Variants in TRHDE observed in about 807,000 individuals in gnomAD.
TRHDE encodes the protein thyrotropin releasing hormone degrading enzyme.
Under a neutral mutation model 125.7 loss-of-function variants are expected in TRHDE, and 72 were observed. That is an observed-to-expected ratio of 0.57 (90% confidence interval 0.47 to 0.70). TRHDE has a LOEUF of 0.70. TRHDE is among the 30% of genes least tolerant of loss of function. TRHDE has a pLI of 0.00. For missense variants in TRHDE, 1,110 were observed against 1,327.1 expected, an observed-to-expected ratio of 0.84 and a Z score of 2.54; for synonymous variants, 509 against 509.1, an observed-to-expected ratio of 1.00 and a Z score of 0.00.
intron 2 of TRHDE, among the ~76,000 whole-genome samples, chr12:72,372,291 C>T (rs1871637411): frequency 6.6e-6 from 1 of 151,912 alleles, no homozygotes; most frequent in Non-Finnish European, 1.5e-5. Context: ...TAGATATTAG[C>T]CCTTTGTCAG....
chr12:72,624,849 TG>T (rs1430556799), intron 15 of TRHDE, among the ~76,000 whole-genome samples: 1 of 151,860 alleles, frequency 6.6e-6, no homozygotes, highest in Non-Finnish European at 1.5e-5. Flanking sequence ...GCCAAGCATT[TG>T]GTGGAGATAC....
chr12:72,562,870 G>T lies in TRHDE; in HGVS notation c.1872G>T (p.Gly624=). The part of the protein sequence containing the change: ...NTLSEALKRN[G]KYVNIQEVMD... ...TTGTGAAGGCTTTAAAAAGAAATGGGAAATATGTAAATATACAAGAAGTAA... is the reference window on the plus strand; with the variant it reads ...TTGTGAAGGCTTTAAAAAGAAATGGTAAATATGTAAATATACAAGAAGTAA... Residue 624 remains glycine, a synonymous_variant, in exon 9 of 19, where the codon GGG becomes GGT. Coordinates refer to ENST00000261180, the MANE Select transcript of TRHDE (RefSeq NM_013381.3). The T allele has an allele frequency of 6.4e-7, 1 of 1,570,506 alleles. No homozygotes were observed. Among genetic ancestry groups the T allele is most frequent in the Non-Finnish European group, 8.6e-7 (1 of 1,164,044 alleles).
At chr12:72,567,498 T>C (rs1870504667) in intron 9 of TRHDE, among the ~76,000 whole-genome samples, 2 of 151,970 alleles carry the variant, frequency 1.3e-5, no homozygotes, top group Admixed American at 1.3e-4. Flanking sequence ...AATAAAATAG[T>C]CAAATTTCAC....
intron 12 of TRHDE, chr12:72,582,410 A>G: frequency 1.0e-6 from 1 of 985,424 alleles, no homozygotes; most frequent in Non-Finnish European, 1.2e-6. Context: ...AACATTTGCA[A>G]ACTGTGGAAG....
At chr12:72,487,278 G>A (rs1413424798) in intron 5 of TRHDE, among the ~76,000 whole-genome samples, 1 of 152,124 alleles carries the variant, frequency 6.6e-6, no homozygotes. Context: ...GATATTGTCA[G>A]TAGTCCCCAA....
At chr12:72,516,121 A>G (rs944644883) in intron 6 of TRHDE, among the ~76,000 whole-genome samples, 1 of 151,622 alleles carries the variant, frequency 6.6e-6, no homozygotes, top group Non-Finnish European at 1.5e-5. Context: ...TAACTTGGCG[A>G]TGCGGGCTCT....
At chr12:72,489,260 C>A in intron 5 of TRHDE, among the ~76,000 whole-genome samples, 2 of 147,268 alleles carry the variant, frequency 1.4e-5, no homozygotes, top group Non-Finnish European at 1.5e-5. Flanking sequence ...TTTAGCTAGC[C>A]TAATTAAGAA....
rs1190363456 is a variant in TRHDE, at chr12:72,583,923, CTTTTTTTT to C, written c.2321+8401_2321+8408del. ...GCTTGTGGCTCTAAAGGATGACAAA[CTTTTTTTT>C]TTTTTTTTTTTTTTTTTTTGAGACG... On this transcript the variant is annotated intron_variant, in intron 12 of 18. Transcript: ENST00000261180. 3.0e-4 allele frequency among the ~76,000 whole-genome samples: 18 copies of C among 60,458 alleles called. 1 individual carries two copies. Among genetic ancestry groups the C allele is most frequent in the Admixed American group, 1.4e-3 (6 of 4,288 alleles). 39.7% of individuals were successfully genotyped at this position (60,458 alleles called of 152,430 possible). A position where few individuals can be genotyped will look rare whatever the true frequency, so the allele number is the denominator to read the frequency against.
intron 3 of TRHDE, among the ~76,000 whole-genome samples, chr12:72,446,297 C>T (rs1271500176): frequency 6.6e-6 from 1 of 151,698 alleles, no homozygotes; most frequent in Non-Finnish European, 1.5e-5. Context: ...GCTATCCCTC[C>T]CCCTTCCCTC....
At chr12:72,512,464 TTA>T (rs1878630529) in intron 6 of TRHDE, among the ~76,000 whole-genome samples, 1 of 140,064 alleles carries the variant, frequency 7.1e-6, no homozygotes, top group Admixed American at 7.6e-5. Flanking sequence ...TTATAATATA[TTA>T]TATAGTTATA....
At chr12:72,195,214 C>T (rs937219024) in intron 2 of TRHDE, among the ~76,000 whole-genome samples, 5 of 152,042 alleles carry the variant, frequency 3.3e-5, no homozygotes, top group Non-Finnish European at 7.4e-5. Context: ...TCCCACGACA[C>T]GCGGGGATTA....
At chr12:72,102,677 G>A (rs1283802368) in intron 1 of TRHDE, among the ~76,000 whole-genome samples, 1 of 152,144 alleles carries the variant, frequency 6.6e-6, no homozygotes, top group Admixed American at 6.6e-5. Flanking sequence ...GAGCAACTCT[G>A]GGGAATCACT....
chr12:72,310,163 C>A (rs1868473889), intron 2 of TRHDE, among the ~76,000 whole-genome samples: 1 of 152,150 alleles, frequency 6.6e-6, no homozygotes, highest in African/African-American at 2.4e-5. Context: ...GCTGTGTGAT[C>A]TTGTACAAGT....
At chr12:72,236,191 G>A (rs1415899917) in intron 2 of TRHDE, among the ~76,000 whole-genome samples, 2 of 152,110 alleles carry the variant, frequency 1.3e-5, no homozygotes, top group African/African-American at 4.8e-5. Flanking sequence ...GAAAAAAACA[G>A]ATGGAAGATG....
At chr12:72,108,107 C>T (rs1875231467) in intron 2 of TRHDE, among the ~76,000 whole-genome samples, 1 of 152,086 alleles carries the variant, frequency 6.6e-6, no homozygotes, top group South Asian at 2.1e-4. Flanking sequence ...CCAAACCAGC[C>T]AATTCTGGGA....
chr12:72,121,115 G>A (rs1875571982), intron 2 of TRHDE, among the ~76,000 whole-genome samples: 1 of 152,184 alleles, frequency 6.6e-6, no homozygotes, highest in African/African-American at 2.4e-5. Context: ...CAAAATTACA[G>A]TGTTGTAATA....
At chr12:72,474,506 A>G (rs1201437191) in intron 5 of TRHDE, among the ~76,000 whole-genome samples, 4 of 152,098 alleles carry the variant, frequency 2.6e-5, no homozygotes. Context: ...TAGATTTCTT[A>G]TAGAAGTGGA....
At chr12:72,453,662 A>G (rs912258356) in intron 3 of TRHDE, among the ~76,000 whole-genome samples, 25 of 152,324 alleles carry the variant, frequency 1.6e-4, no homozygotes, top group African/African-American at 6.0e-4. Context: ...AGACCTAAGA[A>G]GCAGCCCCTC....
chr12:72,532,591 T>C (rs959114609), intron 6 of TRHDE, among the ~76,000 whole-genome samples: 1 of 151,272 alleles, frequency 6.6e-6, no homozygotes, highest in African/African-American at 2.4e-5. Context: ...AGATATCTTA[T>C]TATTTTGAAT....
Sources: allele counts gnomAD v4.1 joint callset (sites outside exome capture counted in the v4.1 genomes callset), GRCh38; gene constraint gnomAD v4.1.1; transcripts MANE v1.5; gene names NCBI Gene and HGNC (gene_info 2026-07-23, HGNC 2026-07-21).